The following DDR2 variants were observed in gnomAD, a reference collection of about 807,000 sequenced individuals.
The protein encoded by DDR2 is discoidin domain receptor tyrosine kinase 2, also known as discoidin domain-containing receptor 2.
In DDR2, 27 loss-of-function variants were observed where a neutral mutation model predicts 94.9. The observed-to-expected ratio is 0.28, with a 90% CI of 0.21 to 0.39. The LOEUF (loss-of-function observed/expected upper bound fraction) is 0.39. Ranked by LOEUF, DDR2 falls within the 10% of genes least tolerant of loss-of-function variation. The pLI is 1.00. For missense variants in DDR2, 783 were observed against 1,076.0 expected (o/e 0.73, Z 3.81); for synonymous variants, 382 against 377.2 (o/e 1.01, Z -0.15).
chr1:162,748,627 C>A (rs762649390), intron 3 of DDR2, among the ~76,000 whole-genome samples: 134 of 152,266 alleles, frequency 8.8e-4, no homozygotes, highest in Non-Finnish European at 1.7e-3. Flanking sequence ...ATATCCAGGA[C>A]TTGAACTCAG....
Position 162,770,530 on chromosome 1 carries a change from G to A in DDR2, c.1504+18G>A, listed in dbSNP as rs553598061. 13 of 1,613,034 alleles carry A rather than the reference G, an allele frequency of 8.1e-6. No homozygotes were observed. The East Asian group carries it at 2.7e-4, about 33-fold the overall frequency. On this transcript the variant is annotated intron_variant, in intron 12 of 17. Transcript: ENST00000367921. ...GGAGTCAGGTGAGGATGATGTGGTG[G>A]GCAGGGTGTCAAGGGAGAAACCTCA...
chr1:162,704,553 A>C (rs1660577124), intron 2 of DDR2, among the ~76,000 whole-genome samples: 2 of 152,194 alleles, frequency 1.3e-5, no homozygotes, highest in South Asian at 4.1e-4. Flanking sequence ...AGGACGTCCA[A>C]GATCAAGGTG....
chr1:162,664,337 T>C (rs1220165392), intron 2 of DDR2, among the ~76,000 whole-genome samples: 1 of 152,128 alleles, frequency 6.6e-6, no homozygotes. Context: ...GATACGTGAA[T>C]AACCTTAAAA....
chr1:162,773,554 T>G lies in DDR2; in HGVS notation c.1814T>G (p.Val605Gly). The change falls in exon 14 of 18, where the codon GTG becomes GGG. Residue 605 changes from valine (V) to glycine (G), a missense_variant. Coordinates refer to ENST00000367921, the MANE Select transcript of DDR2 (RefSeq NM_006182.4). ...GTCAGTGCCAACCAGCCTGTCCTGG[T>G]GGCTGTGAAAATGCTCCGAGCAGAT... is the stretch of plus-strand genomic sequence containing the variant. ...LDVSANQPVL[V>G]AVKMLRADAN... 1 of 1,614,086 alleles carries G rather than the reference T, an allele frequency of 6.2e-7. No homozygotes were observed. The highest frequency in any genetic ancestry group is 8.5e-7 in the Non-Finnish European group (1 of 1,179,948).
chr1:162,768,815 G>C (rs906756295), intron 11 of DDR2, among the ~76,000 whole-genome samples: 1 of 152,208 alleles, frequency 6.6e-6, no homozygotes, highest in Admixed American at 6.5e-5. Flanking sequence ...AATAGCAACA[G>C]AAGACTGAAA....
chr1:162,684,820 C>CACAA (rs1659598388), intron 2 of DDR2, among the ~76,000 whole-genome samples: 1 of 111,928 alleles, frequency 8.9e-6, no homozygotes, highest in African/African-American at 3.9e-5. Flanking sequence ...CCAACACACA[C>CACAA]ACACACACAC....
chr1:162,703,628 C>G (rs954331785), intron 2 of DDR2, among the ~76,000 whole-genome samples: 1 of 152,180 alleles, frequency 6.6e-6, no homozygotes, highest in Non-Finnish European at 1.5e-5. Context: ...GATCACCTGT[C>G]TGTGGAAGGC....
At chr1:162,696,075 C>T (rs1660172154) in intron 2 of DDR2, among the ~76,000 whole-genome samples, 1 of 152,084 alleles carries the variant, frequency 6.6e-6, no homozygotes, top group South Asian at 2.1e-4. Context: ...TTATCCATGA[C>T]ATAACCCACT....
chr1:162,713,442 A>G (rs540218646), intron 2 of DDR2, among the ~76,000 whole-genome samples: 1 of 152,316 alleles, frequency 6.6e-6, no homozygotes, highest in East Asian at 1.9e-4. Flanking sequence ...TCTCCCTTTG[A>G]TCACCATTCA....
intron 7 of DDR2, among the ~76,000 whole-genome samples, chr1:162,758,313 AT>A (rs1386030495): frequency 6.6e-6 from 1 of 152,236 alleles, no homozygotes; most frequent in African/African-American, 2.4e-5. Context: ...AAATAGTCAT[AT>A]TAGCAAAAGT....
intron 11 of DDR2, 94 bp downstream of exon 11, chr1:162,767,453 T>C: frequency 1.3e-6 from 2 of 1,529,416 alleles, no homozygotes; most frequent in Non-Finnish European, 1.8e-6. Flanking sequence ...TTGCAAACAT[T>C]TATTAATGGT....
chr1:162,713,412 C>T (rs1661015571), intron 2 of DDR2, among the ~76,000 whole-genome samples: 1 of 152,144 alleles, frequency 6.6e-6, no homozygotes, highest in Non-Finnish European at 1.5e-5. Context: ...AAAATCAAAA[C>T]ATTACAAATA....
At chr1:162,681,807 T>C (rs748505017) in intron 2 of DDR2, among the ~76,000 whole-genome samples, 7 of 152,062 alleles carry the variant, frequency 4.6e-5, no homozygotes, top group Non-Finnish European at 5.9e-5. Flanking sequence ...GATTTAAACA[T>C]AGGAATTTTA....
At chr1:162,770,577 C>T (rs1318898811) in intron 12 of DDR2, 65 bp downstream of exon 12, 1 of 1,442,002 alleles carries the variant, frequency 6.9e-7, no homozygotes, top group African/African-American at 1.4e-5. Flanking sequence ...GTAGGTATGA[C>T]ACGCCTGCTC....
chr1:162,654,743 G>A (rs781743484), intron 1 of DDR2, among the ~76,000 whole-genome samples: 2 of 152,098 alleles, frequency 1.3e-5, no homozygotes, highest in African/African-American at 2.4e-5. Context: ...TCTCTCACGA[G>A]TGTACGGTGG....
At chr1:162,723,980 G>A (rs1661537710) in intron 3 of DDR2, among the ~76,000 whole-genome samples, 1 of 152,222 alleles carries the variant, frequency 6.6e-6, no homozygotes, top group African/African-American at 2.4e-5. Flanking sequence ...GTTCACCACT[G>A]TGGTTTTTGT....
intron 4 of DDR2, among the ~76,000 whole-genome samples, chr1:162,753,458 T>C (rs533831100): frequency 5.2e-4 from 79 of 152,312 alleles, no homozygotes; most frequent in African/African-American, 1.8e-3. Context: ...AATGGGTTCA[T>C]TGATAGGAAG....
At chr1:162,727,887 C>G (rs900637794) in intron 3 of DDR2, among the ~76,000 whole-genome samples, 1 of 148,880 alleles carries the variant, frequency 6.7e-6, no homozygotes, top group African/African-American at 2.5e-5. Context: ...TGAGGGCTAT[C>G]TTGCCACATC....
chr1:162,743,285 T>C (rs957901133), intron 3 of DDR2, among the ~76,000 whole-genome samples: 1 of 152,116 alleles, frequency 6.6e-6, no homozygotes, highest in African/African-American at 2.4e-5. Context: ...GATATCCTCC[T>C]TCTTCAAGCC....
Sources: allele counts gnomAD v4.1 joint callset (sites outside exome capture counted in the v4.1 genomes callset), GRCh38; gene constraint gnomAD v4.1.1; transcripts MANE v1.5; gene names NCBI Gene and HGNC (gene_info 2026-07-23, HGNC 2026-07-21).